Variants in SOCS4 observed in about 807,000 individuals in gnomAD.
The protein encoded by SOCS4 is SH2 domain containing SOCS box protein.
Under a neutral mutation model 34.1 loss-of-function variants are expected in SOCS4, and 20 were observed. The ratio of observed to expected loss-of-function variants is 0.59; its 90% CI spans 0.41 to 0.85. The LOEUF (loss-of-function observed/expected upper bound fraction) is 0.85, where lower values mean the gene tolerates loss of function less well. Among genes scored for constraint, SOCS4 ranks in the 40% least tolerant of loss-of-function variants. The pLI is 0.00. For synonymous variants in SOCS4, 180 were observed against 186.4 expected (o/e 0.97, Z 0.28); for missense variants, 479 against 532.4 (o/e 0.90, Z 0.99).
rs1371283743 is a variant in SOCS4, at chr14:55,048,969, GACTTTCTTGACTTGTTTTA to G, written c.*4608_*4626del. The G allele has an allele frequency of 6.0e-6, 1 of 166,926 alleles. No homozygotes were observed. The highest frequency in any genetic ancestry group is 1.5e-5 in the Non-Finnish European group (1 of 68,100). The allele number at this position is 166,926 out of a possible 1,614,324, so 10.3% of individuals were successfully genotyped here. A position where few individuals can be genotyped will look rare whatever the true frequency, so the allele number is the denominator to read the frequency against. On this transcript the variant is annotated 3_prime_UTR_variant, in exon 3 of 3. Coordinates refer to ENST00000555846, the MANE Select transcript of SOCS4 (RefSeq NM_199421.2). Reference sequence around the variant, plus strand: ...CATTCACTTCTCTTAGACTGTAAAAGACTTTCTTGACTTGTTTTAACAGTAGAGATAGCAGTACAATTTG... The same window carrying G: ...CATTCACTTCTCTTAGACTGTAAAAGACAGTAGAGATAGCAGTACAATTTG...
rs1212270643 is a variant in SOCS4 at position 55,033,004 on chromosome 14, G to A, written c.-91+1013G>A. On this transcript the variant is annotated intron_variant, in intron 2 of 2. Transcript: ENST00000555846. ...TCACCGTGTTAGTCAGGATGGTCTC[G>A]ATCTCCTGACCTCGTGATCCACCCA... Among the ~76,000 whole-genome samples, 6 of 152,000 alleles carry A rather than the reference G, an allele frequency of 3.9e-5. No homozygotes were observed. In the East Asian group the frequency reaches 1.2e-3, roughly 29 times the overall value.
chr14:55,038,191 A>G (rs980279717), intron 2 of SOCS4, among the ~76,000 whole-genome samples: 6 of 152,230 alleles, frequency 3.9e-5, no homozygotes, highest in Admixed American at 1.3e-4. Context: ...TGAGAACAGT[A>G]TGGGGGAAAC....
intron 2 of SOCS4, 86 bp downstream of exon 2, chr14:55,032,077 G>A (rs1044098561): frequency 2.6e-5 from 4 of 152,176 alleles, no homozygotes; most frequent in African/African-American, 9.7e-5. Flanking sequence ...AATTATTAAT[G>A]TAGTATACTG....
chr14:55,048,998 A>G lies in SOCS4; in HGVS notation c.*4634A>G, dbSNP rs1008332510. The G allele has an allele frequency of 1.8e-5, 3 of 166,932 alleles. No homozygotes were observed. Among genetic ancestry groups the G allele is most frequent in the Non-Finnish European group, 4.4e-5 (3 of 68,110 alleles). The allele number at this position is 166,932 out of a possible 1,614,324, so 10.3% of individuals were successfully genotyped here. ...TTCTTGACTTGTTTTAACAGTAGAG[A>G]TAGCAGTACAATTTGAATTTATGGT... On this transcript the variant is annotated 3_prime_UTR_variant, in exon 3 of 3. Transcript: ENST00000555846.
rs1436426126 is a variant in SOCS4 at position 55,049,099 on chromosome 14, T to C, written c.*4735T>C. ...TGGTCTGTGTAAAACTGATGTTTGC[T>C]TAACTTATTTTAAAAGTTGATTACG... On this transcript the variant is annotated 3_prime_UTR_variant, in exon 3 of 3. Coordinates refer to ENST00000555846, the MANE Select transcript of SOCS4 (RefSeq NM_199421.2). 6.0e-6 allele frequency: 1 copy of C among 166,780 alleles called. No homozygotes were observed. The highest frequency in any genetic ancestry group is 1.5e-5 in the Non-Finnish European group (1 of 68,124). 10.3% of individuals were successfully genotyped at this position (166,780 alleles called of 1,614,324 possible).
chr14:55,042,586 G>C (rs1197053258), intron 2 of SOCS4, among the ~76,000 whole-genome samples: 2 of 152,152 alleles, frequency 1.3e-5, no homozygotes, highest in African/African-American at 4.8e-5. Flanking sequence ...TCACTGGTCT[G>C]CTGTGAAATA....
chr14:55,032,717 A>G (rs1383020787), intron 2 of SOCS4, among the ~76,000 whole-genome samples: 1 of 152,098 alleles, frequency 6.6e-6, no homozygotes, highest in Non-Finnish European at 1.5e-5. Context: ...CTTTCAAACC[A>G]TCATCTTTGA....
chr14:55,040,891 G>A (rs2140247483), intron 2 of SOCS4, among the ~76,000 whole-genome samples: 1 of 150,770 alleles, frequency 6.6e-6, no homozygotes, highest in East Asian at 1.9e-4. Context: ...ATCACCAGAT[G>A]GTTTTTTTTT....
intron 1 of SOCS4, among the ~76,000 whole-genome samples, chr14:55,031,258 A>G (rs1476165017): frequency 1.3e-5 from 2 of 152,142 alleles, no homozygotes; most frequent in African/African-American, 4.8e-5. Context: ...ACTCTAGATT[A>G]GCCCCTTCAG....
At chr14:55,040,982 C>T (rs2042613434) in intron 2 of SOCS4, among the ~76,000 whole-genome samples, 1 of 151,506 alleles carries the variant, frequency 6.6e-6, no homozygotes. Context: ...ACCTCTGCCT[C>T]CCAGGCTCAT....
chr14:55,033,673 A>G (rs1436268428), intron 2 of SOCS4, among the ~76,000 whole-genome samples: 1 of 152,236 alleles, frequency 6.6e-6, no homozygotes, highest in East Asian at 1.9e-4. Context: ...GTAAAAGAAA[A>G]ATGCACAACT....
chr14:55,031,267 A>G (rs554116675), intron 1 of SOCS4, among the ~76,000 whole-genome samples: 66 of 152,254 alleles, frequency 4.3e-4, no homozygotes, highest in African/African-American at 1.6e-3. Context: ...TAGCCCCTTC[A>G]GTGATGGGTT....
At chr14:55,040,893 T>C (rs915562870) in intron 2 of SOCS4, among the ~76,000 whole-genome samples, 1 of 136,534 alleles carries the variant, frequency 7.3e-6, no homozygotes. Flanking sequence ...CACCAGATGG[T>C]TTTTTTTTTT....
At chr14:55,038,493 T>G (rs886429328) in intron 2 of SOCS4, among the ~76,000 whole-genome samples, 1 of 152,180 alleles carries the variant, frequency 6.6e-6, no homozygotes, top group Non-Finnish European at 1.5e-5. Flanking sequence ...CCATTCTCTT[T>G]CTCCAGGAAA....
At chr14:55,032,733 G>A (rs543589211) in intron 2 of SOCS4, among the ~76,000 whole-genome samples, 1 of 151,768 alleles carries the variant, frequency 6.6e-6, no homozygotes, top group African/African-American at 2.4e-5. Flanking sequence ...TTTGATTTCT[G>A]TGTCACATGA....
In SOCS4 at chr14:55,027,246, T is replaced by C. The variant is rs1424051492; in HGVS notation, c.-445T>C. 2 of 192,058 alleles carry C rather than the reference T, an allele frequency of 1.0e-5. No individual in the cohort carries two copies. Among genetic ancestry groups the C allele is most frequent in the Non-Finnish European group, 2.2e-5 (2 of 90,562 alleles). The allele number at this position is 192,058 out of a possible 1,614,324, so 11.9% of individuals were successfully genotyped here. On this transcript the variant is annotated 5_prime_UTR_variant, in exon 1 of 3. Coordinates refer to ENST00000555846, the MANE Select transcript of SOCS4 (RefSeq NM_199421.2). The stretch of plus-strand genomic sequence containing the variant: ...GGGAGGGAGCTGAACACGGAAGTGG[T>C]GGCGGCGCCCAGGGAACCGGCGGAG...
At chr14:55,040,965 C>T (rs1428643466) in intron 2 of SOCS4, among the ~76,000 whole-genome samples, 1 of 150,712 alleles carries the variant, frequency 6.6e-6, no homozygotes, top group East Asian at 2.0e-4. Flanking sequence ...GATCATGGCT[C>T]ACTGCAACCT....
chr14:55,040,572 G>C (rs140644732), intron 2 of SOCS4, among the ~76,000 whole-genome samples: 3 of 151,962 alleles, frequency 2.0e-5, no homozygotes, highest in African/African-American at 7.3e-5. Flanking sequence ...GTGAAACCCC[G>C]TCTCTTCTAA....
In SOCS4 at chr14:55,047,039, CTG is replaced by C. The variant is rs1296008611; in HGVS notation, c.*2677_*2678del. On this transcript the variant is annotated 3_prime_UTR_variant, in exon 3 of 3. Transcript: ENST00000555846. ...TATAAATTTGTCTAAAATTTTATAA[CTG>C]TTGAACAAAGGGAAGATTTGAACAG... 3.6e-5 allele frequency: 6 copies of C among 166,954 alleles called. No homozygotes were observed. The highest frequency in any genetic ancestry group is 1.4e-4 in the African/African-American group (6 of 41,410). The allele number at this position is 166,954 out of a possible 1,614,324, so 10.3% of individuals were successfully genotyped here.
Sources: allele counts gnomAD v4.1 joint callset (sites outside exome capture counted in the v4.1 genomes callset), GRCh38; gene constraint gnomAD v4.1.1; transcripts MANE v1.5; gene names NCBI Gene and HGNC (gene_info 2026-07-23, HGNC 2026-07-21).